Variants in RBFOX1 observed in about 807,000 individuals in gnomAD.
RBFOX1 encodes RNA binding fox-1 homolog 1.
RBFOX1 carries 8 observed loss-of-function variants against 57.7 expected under a neutral mutation model. The observed-to-expected ratio is 0.14, with a 90% CI of 0.08 to 0.25. The LOEUF (loss-of-function observed/expected upper bound fraction) is 0.25. RBFOX1 is among the 10% of genes least tolerant of loss of function. The pLI, the probability that RBFOX1 is intolerant of heterozygous loss-of-function variation, is 1.00. For missense variants in RBFOX1, 611 were observed against 548.5 expected (o/e 1.11, Z -1.14); for synonymous variants, 326 against 222.4 (o/e 1.47, Z -4.15).
intron 2 of RBFOX1, among the ~76,000 whole-genome samples, chr16:6,357,375 C>A (rs1375302644): frequency 1.3e-5 from 2 of 152,046 alleles, no homozygotes; most frequent in Non-Finnish European, 2.9e-5. Context: ...AAATCCTATG[C>A]TTCTCCCCAT....
chr16:5,296,497 A>C (rs910761555), intron 1 of RBFOX1, among the ~76,000 whole-genome samples: 10 of 152,160 alleles, frequency 6.6e-5, no homozygotes, highest in African/African-American at 2.4e-4. Context: ...CAGGGATCTG[A>C]AAAAGTCAAC....
At chr16:6,139,973 C>T (rs1438208075) in intron 1 of RBFOX1, among the ~76,000 whole-genome samples, 1 of 152,158 alleles carries the variant, frequency 6.6e-6, no homozygotes, top group Non-Finnish European at 1.5e-5. Context: ...AGGAACTGCT[C>T]CTCTCAAGAT....
chr16:7,596,262 GC>G (rs2094697454), intron 8 of RBFOX1, among the ~76,000 whole-genome samples: 1 of 150,774 alleles, frequency 6.6e-6, no homozygotes, highest in East Asian at 2.0e-4. Context: ...TCAATATCTG[GC>G]CCCTGTTCAC....
chr16:6,869,298 T>C (rs951008004), intron 3 of RBFOX1, among the ~76,000 whole-genome samples: 25 of 152,174 alleles, frequency 1.6e-4, no homozygotes, highest in African/African-American at 4.3e-4. Flanking sequence ...TAAATACTTA[T>C]TATATCTTGC....
At chr16:7,254,622 A>G (rs891080300) in intron 4 of RBFOX1, among the ~76,000 whole-genome samples, 1 of 152,124 alleles carries the variant, frequency 6.6e-6, no homozygotes, top group Admixed American at 6.5e-5. Flanking sequence ...TACTTAAAAG[A>G]GGAAAAATTT....
chr16:6,366,083 CTA>C (rs1387897642), intron 2 of RBFOX1, among the ~76,000 whole-genome samples: 2 of 109,722 alleles, frequency 1.8e-5, no homozygotes, highest in East Asian at 2.3e-4. Flanking sequence ...GGTGGCCATT[CTA>C]TGTGTGTGTG....
intron 4 of RBFOX1, among the ~76,000 whole-genome samples, chr16:7,252,351 C>T (rs1203469707): frequency 6.6e-6 from 1 of 152,248 alleles, no homozygotes; most frequent in Non-Finnish European, 1.5e-5. Flanking sequence ...ATTCACCACT[C>T]TGTGCTTGCT....
chr16:5,325,808 T>G (rs1477831146), intron 1 of RBFOX1, among the ~76,000 whole-genome samples: 2 of 152,248 alleles, frequency 1.3e-5, no homozygotes, highest in African/African-American at 4.8e-5. Flanking sequence ...ATACTGCAGT[T>G]TGTTTATCCA....
At chr16:6,889,861 G>A (rs556053670) in intron 3 of RBFOX1, among the ~76,000 whole-genome samples, 19 of 152,196 alleles carry the variant, frequency 1.2e-4, no homozygotes, top group Non-Finnish European at 1.9e-4. Context: ...GAATCATAGG[G>A]TGGAGAAAGT....
chr16:6,668,858 C>G (rs2098748088), intron 3 of RBFOX1, among the ~76,000 whole-genome samples: 2 of 152,112 alleles, frequency 1.3e-5, no homozygotes, highest in African/African-American at 4.8e-5. Context: ...TCTTTAAACT[C>G]TGAATTAAAA....
chr16:7,386,835 C>G (rs927177443), intron 4 of RBFOX1, among the ~76,000 whole-genome samples: 15 of 152,136 alleles, frequency 9.9e-5, no homozygotes, highest in African/African-American at 3.4e-4. Flanking sequence ...CTAATTTACA[C>G]TCCTACCAAC....
chr16:7,579,929 C>T lies in RBFOX1; in HGVS notation c.414+9C>T, dbSNP rs1056827651. On this transcript the variant is annotated intron_variant, in intron 6 of 15. Transcript: ENST00000550418. ...TCAGACAAATGTTTGGTGTAAGTAT[C>T]ACCTTTCTTCCCAGCAGTGCCCGCT... 6.2e-7 allele frequency: 1 copy of T among 1,613,778 alleles called. No homozygotes were observed.
At chr16:7,674,158 A>G (rs2072521012) in intron 13 of RBFOX1, among the ~76,000 whole-genome samples, 1 of 152,200 alleles carries the variant, frequency 6.6e-6, no homozygotes, top group Non-Finnish European at 1.5e-5. Flanking sequence ...TGAATTGCAT[A>G]CAGAAGAAAA....
chr16:5,761,747 T>C (rs6500719), intron 3 of RBFOX1, among the ~76,000 whole-genome samples: 82,983 of 152,088 alleles, frequency 0.55, 25,727 homozygotes, highest in African/African-American at 0.85. Flanking sequence ...CACAGCAAAC[T>C]CTATCAGGCT....
At chr16:6,037,258 A>T (rs1179282295) in intron 1 of RBFOX1, 2 of 152,200 alleles carry the variant, frequency 1.3e-5, no homozygotes, top group East Asian at 1.9e-4. Flanking sequence ...CATTGAATTG[A>T]GTCCCGCTTA....
At chr16:6,029,278 A>G (rs373249752) in intron 1 of RBFOX1, among the ~76,000 whole-genome samples, 3 of 152,214 alleles carry the variant, frequency 2.0e-5, no homozygotes, top group East Asian at 1.9e-4. Context: ...TCAAAAGTTC[A>G]TAACAAGAAC....
intron 4 of RBFOX1, among the ~76,000 whole-genome samples, chr16:7,480,845 C>A (rs13336214): frequency 0.018 from 2,798 of 152,254 alleles, 78 homozygotes; most frequent in African/African-American, 0.062. Flanking sequence ...ATTGAAACAG[C>A]CTCTTGGATA....
chr16:6,155,756 C>T (rs1000050700), intron 1 of RBFOX1, among the ~76,000 whole-genome samples: 5 of 152,130 alleles, frequency 3.3e-5, no homozygotes, highest in Admixed American at 2.6e-4. Context: ...CTAACAGCGG[C>T]GGCTTCCATG....
chr16:6,471,081 TG>T (rs2095163636), intron 2 of RBFOX1, among the ~76,000 whole-genome samples: 1 of 152,230 alleles, frequency 6.6e-6, no homozygotes, highest in Non-Finnish European at 1.5e-5. Context: ...GCATGACACA[TG>T]GGCCCCTTTA....
Sources: allele counts gnomAD v4.1 joint callset (sites outside exome capture counted in the v4.1 genomes callset), GRCh38; gene constraint gnomAD v4.1.1; transcripts MANE v1.5; gene names NCBI Gene and HGNC (gene_info 2026-07-23, HGNC 2026-07-21).